The following CLCN5 variants were observed in gnomAD, a reference collection of about 807,000 sequenced individuals.
The protein encoded by CLCN5 is H(+)/Cl(-) exchange transporter 5.
In CLCN5, 17 loss-of-function variants were observed where a neutral mutation model predicts 54.0. The observed-to-expected ratio is 0.31, with a 90% CI of 0.22 to 0.47. The LOEUF (loss-of-function observed/expected upper bound fraction) is 0.47. CLCN5 is among the 20% of genes least tolerant of loss of function. The pLI is 1.00. For synonymous variants in CLCN5, 222 were observed against 233.0 expected (o/e 0.95, Z 0.43); for missense variants, 448 against 646.7 (o/e 0.69, Z 3.33).
chrX:50,074,392 G>A (rs781842943), intron 6 of CLCN5, among the ~76,000 whole-genome samples: 7 of 111,231 alleles, frequency 6.3e-5, no homozygotes, highest in Non-Finnish European at 1.3e-4. Flanking sequence ...GAGGAGGAGA[G>A]GTAGAAGGAG....
rs974272488 is a variant in CLCN5 at position 49,989,048 on chromosome X, C to T, written c.17-53268C>T. On this transcript the variant is annotated intron_variant, in intron 3 of 14. Coordinates refer to ENST00000376091, the MANE Select transcript of CLCN5 (RefSeq NM_001127898.4). The stretch of plus-strand genomic sequence containing the variant: ...AGACCCCTTCCTTGAACTCCTGCTG[C>T]TCTACTTACACTTAATATCATACCT... Among the ~76,000 whole-genome samples, 11 of 109,269 alleles carry T rather than the reference C, an allele frequency of 1.0e-4. 1 individual carries two copies. The highest frequency in any genetic ancestry group is 9.7e-4 in the Admixed American group (10 of 10,315). 94.9% of individuals were successfully genotyped at this position (109,269 alleles called of 115,157 possible). A position where few individuals can be genotyped will look rare whatever the true frequency, so the allele number is the denominator to read the frequency against.
chrX:50,031,233 A>C (rs903568234), intron 3 of CLCN5, among the ~76,000 whole-genome samples: 6 of 112,342 alleles, frequency 5.3e-5, no homozygotes, highest in Admixed American at 2.8e-4. Context: ...ATTAGAATCC[A>C]ATTTTAATGA....
At chrX:49,972,114 T>TGG (rs1449416277) in intron 3 of CLCN5, among the ~76,000 whole-genome samples, 3 of 9,869 alleles carry the variant, frequency 3.0e-4, no homozygotes. Flanking sequence ...CATTCTCTGG[T>TGG]GTGTGTGTGT....
At chrX:50,054,061 C>G (rs1198106341) in intron 4 of CLCN5, among the ~76,000 whole-genome samples, 2 of 110,723 alleles carry the variant, frequency 1.8e-5, no homozygotes, top group Non-Finnish European at 3.8e-5. Flanking sequence ...TATACTGGAG[C>G]CCTGATGAGG....
At chrX:50,086,141 A>T in intron 10 of CLCN5, 81 bp downstream of exon 10, 9 of 892,735 alleles carry the variant, frequency 1.0e-5, no homozygotes, top group African/African-American at 1.9e-5. Flanking sequence ...TTTTGTACAT[A>T]ATGTACAATA....
chrX:49,951,850 G>A (rs183317532), intron 3 of CLCN5, among the ~76,000 whole-genome samples: 1 of 111,816 alleles, frequency 8.9e-6, no homozygotes, highest in East Asian at 2.8e-4. Flanking sequence ...CTTGACATGT[G>A]GGTTTTTTAA....
intron 3 of CLCN5, among the ~76,000 whole-genome samples, chrX:50,038,208 A>G (rs945800001): frequency 7.1e-5 from 8 of 112,210 alleles, no homozygotes; most frequent in Non-Finnish European, 1.5e-4. Flanking sequence ...ATTTATTTAT[A>G]TATAAATTGA....
chrX:50,002,101 C>CT (rs75937512), intron 3 of CLCN5, among the ~76,000 whole-genome samples: 1,651 of 101,542 alleles, frequency 0.016, 31 homozygotes, highest in African/African-American at 0.053. Context: ...CTTCAGACTT[C>CT]TTTTTTTTTT....
intron 3 of CLCN5, among the ~76,000 whole-genome samples, chrX:50,039,738 G>C (rs1932143498): frequency 9.1e-6 from 1 of 110,085 alleles, no homozygotes; most frequent in Non-Finnish European, 1.9e-5. Flanking sequence ...TGTCACCCAG[G>C]CTGCAGTGCA....
Position 50,097,525 on chromosome X carries a change from C to T in CLCN5, c.*5306C>T, listed in dbSNP as rs1557195850. ...TAAAGTTTGGCCTTTTGAAGAAAAACAGCATGTGATAATATAAAAATATGA... is the reference window on the plus strand; with the variant it reads ...TAAAGTTTGGCCTTTTGAAGAAAAATAGCATGTGATAATATAAAAATATGA... On this transcript the variant is annotated 3_prime_UTR_variant, in exon 15 of 15. Transcript: ENST00000376091. The T allele has an allele frequency of 9.1e-6, 1 of 110,218 alleles. No homozygotes were observed. The highest frequency in any genetic ancestry group is 1.9e-5 in the Non-Finnish European group (1 of 52,719). The allele number at this position is 110,218 out of a possible 1,213,427, so 9.1% of individuals were successfully genotyped here.
intron 3 of CLCN5, among the ~76,000 whole-genome samples, chrX:50,023,166 A>T (rs1251720761): frequency 5.6e-5 from 5 of 89,208 alleles, no homozygotes; most frequent in South Asian, 5.3e-4. Flanking sequence ...GTGCTCCTGT[A>T]TTGGGTGCAT....
intron 3 of CLCN5, among the ~76,000 whole-genome samples, chrX:50,011,184 A>G (rs1229869636): frequency 1.8e-5 from 2 of 111,531 alleles, no homozygotes; most frequent in African/African-American, 6.5e-5. Flanking sequence ...TCCCTTTTCA[A>G]GAATTCCAAG....
At chrX:49,983,221 A>G (rs1928832951) in intron 3 of CLCN5, among the ~76,000 whole-genome samples, 1 of 112,098 alleles carries the variant, frequency 8.9e-6, no homozygotes, top group Non-Finnish European at 1.9e-5. Context: ...TGGGGGGACA[A>G]CTGTTCTCTG....
chrX:50,088,436 G>A (rs1933970712), intron 11 of CLCN5: 1 of 373,361 alleles, frequency 2.7e-6, no homozygotes, highest in South Asian at 4.9e-5. Flanking sequence ...CTCCAGTTCT[G>A]TGTTGGTCTG....
chrX:50,001,686 A>T (rs935686167), intron 3 of CLCN5, among the ~76,000 whole-genome samples: 1 of 95,209 alleles, frequency 1.1e-5, no homozygotes, highest in East Asian at 3.5e-4. Flanking sequence ...TCATTGTTCA[A>T]TTCCCACCTA....
intron 3 of CLCN5, among the ~76,000 whole-genome samples, chrX:49,994,282 T>C (rs7051087): frequency 0.06 from 6,690 of 111,051 alleles, 548 homozygotes; most frequent in African/African-American, 0.21. Flanking sequence ...AGAATAATGA[T>C]GTCTGTAACC....
intron 3 of CLCN5, among the ~76,000 whole-genome samples, chrX:49,989,722 G>A (rs915583894): frequency 2.7e-5 from 3 of 111,753 alleles, no homozygotes; most frequent in Middle Eastern, 4.6e-3. Context: ...ATTCAGACCA[G>A]TTATTGCCGG....
intron 3 of CLCN5, among the ~76,000 whole-genome samples, chrX:49,989,230 A>G (rs1238327279): frequency 5.4e-5 from 6 of 110,398 alleles, no homozygotes; most frequent in Non-Finnish European, 1.1e-4. Flanking sequence ...GCACCACCAC[A>G]TGTGGCTAAT....
chrX:49,925,447 G>A, intron 3 of CLCN5, 133 bp downstream of exon 3: 1 of 614,994 alleles, frequency 1.6e-6, no homozygotes, highest in South Asian at 2.7e-5. Flanking sequence ...TCTTTGCAGG[G>A]ACAAAACACA....
Sources: gnomAD v4.1 joint callset for allele counts (sites outside exome capture counted in the v4.1 genomes callset) on GRCh38, gnomAD v4.1.1 for gene constraint, MANE v1.5 for transcripts, NCBI Gene and HGNC (gene_info 2026-07-23, HGNC 2026-07-21) for gene names.